Variants in TMEM163 observed in about 807,000 individuals in gnomAD.
The protein encoded by TMEM163 is transmembrane protein 163.
TMEM163 carries 17 observed loss-of-function variants against 29.3 expected under a neutral mutation model. The observed-to-expected ratio is 0.58, with a 90% CI of 0.40 to 0.87. The LOEUF (loss-of-function observed/expected upper bound fraction) is 0.87, where lower values mean the gene tolerates loss of function less well. Ranked by LOEUF, TMEM163 falls within the 40% of genes least tolerant of loss-of-function variation. TMEM163 has a pLI of 0.00. For synonymous variants in TMEM163, 157 were observed against 160.6 expected (o/e 0.98, Z 0.17); for missense variants, 303 against 381.5 (o/e 0.79, Z 1.71).
chr2:134,580,876 G>A (rs1045081373), intron 2 of TMEM163, among the ~76,000 whole-genome samples: 7 of 152,316 alleles, frequency 4.6e-5, no homozygotes, highest in South Asian at 4.1e-4. Flanking sequence ...TGGCTCCACT[G>A]CACTCCAGCC....
chr2:134,581,945 G>A (rs768004641), intron 2 of TMEM163, among the ~76,000 whole-genome samples: 6 of 152,126 alleles, frequency 3.9e-5, no homozygotes, highest in South Asian at 2.1e-4. Flanking sequence ...CCTTCCTAAC[G>A]GTGTCATAAA....
intron 4 of TMEM163, among the ~76,000 whole-genome samples, chr2:134,543,154 A>C (rs1202938318): frequency 6.6e-6 from 1 of 152,158 alleles, no homozygotes; most frequent in East Asian, 1.9e-4. Context: ...TCCTTCCTCT[A>C]GTGCATCTTA....
intron 2 of TMEM163, among the ~76,000 whole-genome samples, chr2:134,621,458 G>A (rs1682731462): frequency 6.6e-6 from 1 of 152,174 alleles, no homozygotes; most frequent in Admixed American, 6.5e-5. Flanking sequence ...CTTTAACCCA[G>A]AAATTCCACT....
intron 4 of TMEM163, among the ~76,000 whole-genome samples, chr2:134,514,400 T>C (rs1680011631): frequency 7.1e-6 from 1 of 141,422 alleles, no homozygotes; most frequent in Non-Finnish European, 1.5e-5. Flanking sequence ...TTTTTTTTTT[T>C]TTTTTTTAAA....
At chr2:134,606,245 C>A (rs900026973) in intron 2 of TMEM163, among the ~76,000 whole-genome samples, 1 of 151,996 alleles carries the variant, frequency 6.6e-6, no homozygotes, top group African/African-American at 2.4e-5. Flanking sequence ...ATGAATCCCA[C>A]GCTCTAGCAT....
At chr2:134,577,819 A>T (rs1363201506) in intron 2 of TMEM163, among the ~76,000 whole-genome samples, 1 of 151,808 alleles carries the variant, frequency 6.6e-6, no homozygotes, top group Non-Finnish European at 1.5e-5. Context: ...GTGGGGGGGA[A>T]AAATACAACA....
chr2:134,671,687 GA>G (rs893770774), intron 2 of TMEM163, among the ~76,000 whole-genome samples: 1 of 152,198 alleles, frequency 6.6e-6, no homozygotes, highest in African/African-American at 2.4e-5. Flanking sequence ...AGTGGTCACA[GA>G]ATAGAAAGAA....
rs116714114 is a variant in TMEM163 at position 134,566,256 on chromosome 2, G to A, written c.323-14165C>T. Among the ~76,000 whole-genome samples the A allele has an allele frequency of 4.5e-3, 678 of 152,218 alleles. 3 individuals carry two copies. The highest frequency in any genetic ancestry group is 0.015 in the African/African-American group (638 of 41,524). Reference sequence around the variant, plus strand: ...AAAAACGAGAAGAAAATGAAGATCCGTCCCATTTCTACCTTTTACAATGGC... The same window carrying A: ...AAAAACGAGAAGAAAATGAAGATCCATCCCATTTCTACCTTTTACAATGGC... On this transcript the variant is annotated intron_variant, in intron 2 of 7. Transcript: ENST00000281924.
chr2:134,538,074 G>C (rs1680579811), intron 4 of TMEM163, among the ~76,000 whole-genome samples: 1 of 152,208 alleles, frequency 6.6e-6, no homozygotes, highest in South Asian at 2.1e-4. Flanking sequence ...GTTAAGCATT[G>C]AGTTACCATA....
chr2:134,604,510 A>G (rs994241377), intron 2 of TMEM163, among the ~76,000 whole-genome samples: 15 of 149,522 alleles, frequency 1.0e-4, no homozygotes, highest in Admixed American at 9.3e-4. Context: ...AGAGATAAGG[A>G]GGGGTCTGAA....
chr2:134,537,537 A>G (rs1209530314), intron 4 of TMEM163, among the ~76,000 whole-genome samples: 5 of 152,094 alleles, frequency 3.3e-5, no homozygotes, highest in African/African-American at 7.2e-5. Flanking sequence ...AAGCACACAT[A>G]CCTCCTAAAA....
chr2:134,602,639 AT>A (rs1682261364), intron 2 of TMEM163, among the ~76,000 whole-genome samples: 1 of 152,226 alleles, frequency 6.6e-6, no homozygotes, highest in African/African-American at 2.4e-5. Context: ...CTGAGGGATC[AT>A]TCCTCTTTTG....
rs1483234854 is a variant in TMEM163, at chr2:134,460,738, C to T, written c.668-2565G>A. 1.3e-5 allele frequency among the ~76,000 whole-genome samples: 2 copies of T among 152,180 alleles called. No homozygotes were observed. Among genetic ancestry groups the T allele is most frequent in the South Asian group, 2.1e-4 (1 of 4,826 alleles). ...GTCTGCTCAGCTCCACCAAGTCACC[C>T]GCTCTGCCAGCCAGCACCAAGGCCG... On this transcript the variant is annotated intron_variant, in intron 6 of 7. Transcript: ENST00000281924. This position sits in a 1 kb window ranked among gnomAD's most constrained non-coding sequence, Gnocchi z 4.3.
chr2:134,593,728 G>A (rs1205893946), intron 2 of TMEM163, among the ~76,000 whole-genome samples: 2 of 152,100 alleles, frequency 1.3e-5, no homozygotes, highest in South Asian at 2.1e-4. Context: ...TTCAGAACAC[G>A]TGCTACTGCA....
At chr2:134,714,656 T>A (rs1167960605) in intron 1 of TMEM163, among the ~76,000 whole-genome samples, 1 of 152,178 alleles carries the variant, frequency 6.6e-6, no homozygotes, top group African/African-American at 2.4e-5. Context: ...GATTTTTAAA[T>A]AATTGAAACC....
intron 5 of TMEM163, among the ~76,000 whole-genome samples, chr2:134,482,232 T>C (rs966914776): frequency 1.2e-4 from 18 of 152,174 alleles, no homozygotes; most frequent in Non-Finnish European, 1.9e-4. Context: ...AAACCTCATG[T>C]AGAAATAAAA....
intron 4 of TMEM163, among the ~76,000 whole-genome samples, chr2:134,530,297 G>A (rs927588196): frequency 5.9e-5 from 9 of 151,994 alleles, no homozygotes; most frequent in African/African-American, 1.9e-4. Flanking sequence ...ATTGAGACAC[G>A]GTCTCACTCT....
At chr2:134,634,955 C>T (rs1468606647) in intron 2 of TMEM163, among the ~76,000 whole-genome samples, 3 of 152,224 alleles carry the variant, frequency 2.0e-5, no homozygotes, top group African/African-American at 4.8e-5. Context: ...GAGAAACATA[C>T]ATTGAACAAG....
chr2:134,546,216 A>C (rs1299033063), intron 4 of TMEM163, among the ~76,000 whole-genome samples: 1 of 152,236 alleles, frequency 6.6e-6, no homozygotes, highest in Non-Finnish European at 1.5e-5. Context: ...CATTTATCCT[A>C]AAGAATTGGA....
Sources: gnomAD v4.1 joint callset for allele counts (sites outside exome capture counted in the v4.1 genomes callset) on GRCh38, gnomAD v4.1.1 for gene constraint, Gnocchi (gnomAD v3.1) non-coding constraint, MANE v1.5 for transcripts, NCBI Gene and HGNC (gene_info 2026-07-23, HGNC 2026-07-21) for gene names.